Variants in PRDM2 observed in about 807,000 individuals in gnomAD.
PRDM2 encodes the protein PR domain zinc finger protein 2.
A neutral mutation model predicts 130.0 loss-of-function variants in PRDM2; 30 were observed. The ratio of observed to expected loss-of-function variants is 0.23; its 90% CI spans 0.17 to 0.31. The LOEUF (loss-of-function observed/expected upper bound fraction) is 0.31, where lower values mean the gene tolerates loss of function less well. PRDM2 is among the 10% of genes least tolerant of loss of function. The pLI, the probability that PRDM2 is intolerant of heterozygous loss-of-function variation, is 1.00. For synonymous variants in PRDM2, 871 were observed against 782.4 expected (o/e 1.11, Z -1.89); for missense variants, 2,011 against 2,108.4 (o/e 0.95, Z 0.90).
intron 7 of PRDM2, 110 bp downstream of exon 7, chr1:13,773,298 G>C (rs1466501611): frequency 3.2e-6 from 2 of 629,808 alleles, no homozygotes. Flanking sequence ...ATCTTTACGA[G>C]GTTAAACAGC....
chr1:13,821,411 A>G (rs1469972843), intron 9 of PRDM2, among the ~76,000 whole-genome samples: 3 of 151,796 alleles, frequency 2.0e-5, no homozygotes, highest in African/African-American at 4.8e-5. Context: ...GCCCAGCCCA[A>G]TTCAACCCAA....
intron 6 of PRDM2, among the ~76,000 whole-genome samples, chr1:13,757,677 A>G (rs904660895): frequency 6.6e-6 from 1 of 152,064 alleles, no homozygotes; most frequent in Non-Finnish European, 1.5e-5. Flanking sequence ...GTTTGTGGAT[A>G]TAATTGAGTT....
chr1:13,800,063 C>CCATTCATT (rs534865432), intron 8 of PRDM2, among the ~76,000 whole-genome samples: 1 of 151,868 alleles, frequency 6.6e-6, no homozygotes, highest in Non-Finnish European at 1.5e-5. Flanking sequence ...CAGATCTTGG[C>CCATTCATT]CATTCATTCA....
intron 1 of PRDM2, chr1:13,704,830 A>G (rs1445318477): frequency 6.6e-6 from 1 of 152,246 alleles, no homozygotes; most frequent in African/African-American, 2.4e-5. Flanking sequence ...GAGAATGTAA[A>G]TTAAATATAA....
At chr1:13,787,988 T>C (rs1333028748) in intron 8 of PRDM2, 1 of 985,226 alleles carries the variant, frequency 1.0e-6, no homozygotes, top group Non-Finnish European at 1.2e-6. Flanking sequence ...AAAAAAGATT[T>C]GTTGTGCTAT....
In PRDM2 at chr1:13,778,818, G is replaced by A. The variant is rs1231422597; in HGVS notation, c.1023G>A (p.Met341Ile). 1.2e-6 allele frequency: 2 copies of A among 1,614,140 alleles called. No homozygotes were observed. The highest frequency in any genetic ancestry group is 3.3e-5 in the Admixed American group (2 of 60,008). ...LEDCSEVTPA[M>I]QIPRTKEEAN... ...ACTGCTCAGAGGTAACACCTGCCATGCAAATCCCCAGAACTAAAGAAGAGG... is the reference window on the plus strand; with the variant it reads ...ACTGCTCAGAGGTAACACCTGCCATACAAATCCCCAGAACTAAAGAAGAGG... The change falls in exon 8 of 10, where the codon ATG becomes ATA. Residue 341 changes from methionine to isoleucine, a missense_variant. Around this residue, in one of 5 missense-constraint regions of PRDM2, gnomAD observed 1,288 missense variants for 1,237.7 expected, o/e 1.04. Transcript: ENST00000311066.
At chr1:13,732,693 T>C (rs1175827025) in intron 3 of PRDM2, 86 bp from the exon 4 acceptor site, 2 of 949,364 alleles carry the variant, frequency 2.1e-6, no homozygotes, top group East Asian at 2.7e-5. Flanking sequence ...GCCTTTTAAC[T>C]GTTTTGTGAA....
chr1:13,735,527 T>C (rs1041555259), intron 4 of PRDM2, among the ~76,000 whole-genome samples: 1 of 152,238 alleles, frequency 6.6e-6, no homozygotes, highest in African/African-American at 2.4e-5. Context: ...GTAAGCTTTT[T>C]TTTTCTTTTC....
chr1:13,751,029 A>G lies in PRDM2; in HGVS notation c.511+1542A>G, dbSNP rs1291844029. ...CTGTACTTAAATAGATTTGTAGTTT[A>G]ATAGCAACCTTACTTTAACGCTTTT... On this transcript the variant is annotated intron_variant, in intron 6 of 9. Coordinates refer to ENST00000311066, the MANE Select transcript of PRDM2 (RefSeq NM_001393986.1). Among the ~76,000 whole-genome samples the G allele has an allele frequency of 2.0e-5, 3 of 152,236 alleles. No homozygotes were observed. In the East Asian group the frequency reaches 5.8e-4, roughly 29 times the overall value.
At chr1:13,752,857 A>G (rs1643874065) in intron 6 of PRDM2, among the ~76,000 whole-genome samples, 1 of 152,184 alleles carries the variant, frequency 6.6e-6, no homozygotes, top group African/African-American at 2.4e-5. Context: ...AAAAATGAAT[A>G]TCATCATATC....
intron 2 of PRDM2, among the ~76,000 whole-genome samples, chr1:13,728,177 A>C (rs1328216082): frequency 6.6e-6 from 1 of 152,222 alleles, no homozygotes; most frequent in African/African-American, 2.4e-5. Context: ...ACAAAGAGCC[A>C]TGTACTCATT....
chr1:13,813,068 A>C (rs1342537325), intron 8 of PRDM2, among the ~76,000 whole-genome samples: 1 of 152,194 alleles, frequency 6.6e-6, no homozygotes. Context: ...ATATGAGTCC[A>C]CCAACCGCAA....
intron 8 of PRDM2, among the ~76,000 whole-genome samples, chr1:13,812,487 G>A (rs150642546): frequency 6.6e-6 from 1 of 152,244 alleles, no homozygotes; most frequent in Non-Finnish European, 1.5e-5. Context: ...ACAACAACAC[G>A]TTTGGCAGTG....
intron 8 of PRDM2, among the ~76,000 whole-genome samples, chr1:13,794,567 C>T (rs761135799): frequency 4.6e-5 from 7 of 152,184 alleles, no homozygotes; most frequent in Non-Finnish European, 8.8e-5. Flanking sequence ...TCAACCTCTC[C>T]GAGCCCGTTT....
At chr1:13,808,463 CAAAAAAAAAA>C (rs58838331) in intron 8 of PRDM2, among the ~76,000 whole-genome samples, 1 of 58,928 alleles carries the variant, frequency 1.7e-5, no homozygotes, top group East Asian at 5.0e-4. Context: ...GACTCTGTCT[CAAAAAAAAAA>C]AAAAAAAAAA....
intron 8 of PRDM2, among the ~76,000 whole-genome samples, chr1:13,802,075 A>C (rs937298944): frequency 6.6e-6 from 1 of 152,302 alleles, no homozygotes; most frequent in African/African-American, 2.4e-5. Context: ...GACTTTGGGG[A>C]TCACGAGCAG....
At chr1:13,740,631 A>G (rs995419972) in intron 4 of PRDM2, among the ~76,000 whole-genome samples, 2 of 152,148 alleles carry the variant, frequency 1.3e-5, no homozygotes, top group Admixed American at 6.5e-5. Context: ...ATGACAATTA[A>G]ACAGGTGACT....
chr1:13,750,943 A>G (rs370605012), intron 6 of PRDM2, among the ~76,000 whole-genome samples: 2 of 152,288 alleles, frequency 1.3e-5, no homozygotes, highest in East Asian at 3.9e-4. Context: ...AGTTATTTGT[A>G]GGGGGCTGGA....
At chr1:13,820,774 C>CT (rs1557681991) in intron 9 of PRDM2, among the ~76,000 whole-genome samples, 1 of 152,132 alleles carries the variant, frequency 6.6e-6, no homozygotes, top group East Asian at 1.9e-4. Flanking sequence ...CCCCAGAGGG[C>CT]TGCCCTCTCG....
Sources: allele counts gnomAD v4.1 joint callset (sites outside exome capture counted in the v4.1 genomes callset), GRCh38; gene constraint gnomAD v4.1.1; regional missense constraint gnomAD v4.1.1; transcripts MANE v1.5; gene names NCBI Gene and HGNC (gene_info 2026-07-23, HGNC 2026-07-21).